The following ABCC10 variants were observed in gnomAD, a reference collection of about 807,000 sequenced individuals.
ABCC10 encodes ATP-binding cassette sub-family C member 10.
In ABCC10, 110 loss-of-function variants were observed where a neutral mutation model predicts 143.2. The observed-to-expected ratio is 0.77, with a 90% confidence interval of 0.66 to 0.90. The LOEUF (loss-of-function observed/expected upper bound fraction) is 0.90. Among genes scored for constraint, ABCC10 ranks in the 40% least tolerant of loss-of-function variants. The probability of loss-of-function intolerance (pLI) is 0.00; values close to 1 mark genes in which losing one functional copy is unlikely to be tolerated. For missense variants in ABCC10, 1,700 were observed against 1,900.5 expected (o/e 0.89, Z 1.96); for synonymous variants, 805 against 846.7 (o/e 0.95, Z 0.85).
chr6:43,436,231 A>G lies in ABCC10; in HGVS notation c.1859A>G (p.His620Arg). 6.2e-7 allele frequency: 1 copy of G among 1,613,974 alleles called. No homozygotes were observed. Among genetic ancestry groups the G allele is most frequent in the South Asian group, 1.1e-5 (1 of 91,076 alleles). ...ACCAGCCTGGAGACCTTCATCAGTC[A>G]TCTCGAAGTGAAAAAGGTTTGTTGG... Reference protein sequence around the residue: ...VGTSLETFISHLEVKKGMLVG... With the variant: ...VGTSLETFISRLEVKKGMLVG... The change falls in exon 6 of 22, where the codon CAT becomes CGT. Residue 620 changes from histidine to arginine, a missense_variant. By Grantham distance (29) the His-to-Arg change is conservative. Coordinates refer to ENST00000372530, the MANE Select transcript of ABCC10 (RefSeq NM_001198934.2).
chr6:43,443,238 C>T lies in ABCC10; in HGVS notation c.2416+79C>T, dbSNP rs143281908. 32,892 of 1,383,742 alleles carry T rather than the reference C, an allele frequency of 0.024. 478 individuals carry two copies. The highest frequency in any genetic ancestry group is 0.028 in the Non-Finnish European group (28,867 of 1,046,882). The allele number at this position is 1,383,742 out of a possible 1,614,324, so 85.7% of individuals were successfully genotyped here. A position where few individuals can be genotyped will look rare whatever the true frequency, so the allele number is the denominator to read the frequency against. ...GGATTGTGAAGTACAGACTCTGCCC[C>T]CTGCTGCATGTGTGCCCTGAGCCAG... On this transcript the variant is annotated intron_variant, in intron 10 of 21. Coordinates refer to ENST00000372530, the MANE Select transcript of ABCC10 (RefSeq NM_001198934.2). This position sits in a 1 kb window ranked among gnomAD's most constrained non-coding sequence, Gnocchi z 4.2.
intron 16 of ABCC10, chr6:43,446,704 C>G: frequency 1.0e-6 from 1 of 985,300 alleles, no homozygotes. Flanking sequence ...TGCTTCCACC[C>G]CGTCCCCACC....
chr6:43,442,492 AC>A (rs1242397518), intron 9 of ABCC10, among the ~76,000 whole-genome samples: 1 of 151,904 alleles, frequency 6.6e-6, no homozygotes, highest in African/African-American at 2.4e-5. Context: ...AATCGCTTGA[AC>A]CCGAGAGGCA....
downstream of ABCC10, chr6:43,450,731 C>G (rs1029655484): frequency 8.7e-6 from 14 of 1,614,060 alleles, no homozygotes; most frequent in African/African-American, 1.6e-4. This position sits in a 1 kb window ranked among gnomAD's most constrained non-coding sequence, Gnocchi z 4.5. Context: ...TAGCCAGAAC[C>G]AGGGCAGCAG....
downstream of ABCC10, among the ~76,000 whole-genome samples, chr6:43,451,510 A>C (rs1783734509): frequency 6.6e-6 from 1 of 152,214 alleles, no homozygotes; most frequent in African/African-American, 2.4e-5. The surrounding 1 kb of genome is among the most constrained non-coding windows in gnomAD (Gnocchi z 4.4). Context: ...GGCAGGGCTC[A>C]GGGTAAGTGT....
chr6:43,447,029 GT>G, intron 16 of ABCC10: 1 of 698,918 alleles, frequency 1.4e-6, no homozygotes, highest in East Asian at 4.4e-5. Context: ...TGTATTTTTA[GT>G]AGAGACAGGG....
At chr6:43,446,528 C>G (rs1425020027) in intron 16 of ABCC10, 82 bp downstream of exon 16, 14 of 1,485,730 alleles carry the variant, frequency 9.4e-6, no homozygotes, top group Non-Finnish European at 1.3e-5. Context: ...ACCATCCCCC[C>G]AACATTTTCA....
intron 7 of ABCC10, chr6:43,438,411 G>C (rs1781978429): frequency 2.0e-5 from 28 of 1,426,130 alleles, no homozygotes; most frequent in Non-Finnish European, 2.6e-5. Flanking sequence ...CAGCTGCTTG[G>C]CTGTAGCCAA....
Position 43,435,916 on chromosome 6 carries a change from A to C in ABCC10, c.1765+9A>C. On this transcript the variant is annotated intron_variant, in intron 5 of 21. Transcript: ENST00000372530. Reference sequence around the variant, plus strand: ...GGCCTACTACAGCCCAGGTAATGGGAAGCTAGTGGGCAGAACCTGGCACAG... The same window carrying C: ...GGCCTACTACAGCCCAGGTAATGGGCAGCTAGTGGGCAGAACCTGGCACAG... 6.2e-7 allele frequency: 1 copy of C among 1,613,954 alleles called. No homozygotes were observed. Among genetic ancestry groups the C allele is most frequent in the Non-Finnish European group, 8.5e-7 (1 of 1,179,928 alleles).
In ABCC10 at chr6:43,449,504, C is replaced by T. The variant is rs1208094803; in HGVS notation, c.4286C>T (p.Ala1429Val). 1 of 1,614,032 alleles carries T rather than the reference C, an allele frequency of 6.2e-7. No individual in the cohort carries two copies. Among genetic ancestry groups the T allele is most frequent in the Admixed American group, 1.7e-5 (1 of 60,016 alleles). Residue 1429 changes from alanine (A) to valine (V), a missense_variant, in exon 21 of 22, where the codon GCC becomes GTC. Physicochemically the swap from Ala to Val is moderately conservative, Grantham distance 64 (BLOSUM62 0). Transcript: ENST00000372530. The part of the protein sequence containing the change: ...LLQQTICKRF[A>V]NKTVLTIAHR... ...CAGCAGACCATCTGCAAACGCTTTG[C>T]CAACAAGACAGTGCTGACCATTGCC...
rs754856559 is a variant in ABCC10, at chr6:43,443,698, G to A, written c.2417-235G>A. 6.0e-6 allele frequency: 3 copies of A among 502,178 alleles called. No homozygotes were observed. Among genetic ancestry groups the A allele is most frequent in the South Asian group, 2.7e-5 (1 of 36,830 alleles). 31.1% of individuals were successfully genotyped at this position (502,178 alleles called of 1,614,324 possible). A position where few individuals can be genotyped will look rare whatever the true frequency, so the allele number is the denominator to read the frequency against. On this transcript the variant is annotated intron_variant, in intron 10 of 21. Transcript: ENST00000372530. This position sits in a 1 kb window ranked among gnomAD's most constrained non-coding sequence, Gnocchi z 4.2. The stretch of plus-strand genomic sequence containing the variant: ...GGACATTCGTCCCTCTCTGCTGGTC[G>A]GAATCAAGGTTTACAAGGATGGACT...
chr6:43,449,434 G>A lies in ABCC10; in HGVS notation c.4216G>A (p.Asp1406Asn), dbSNP rs370800327. The A allele has an allele frequency of 1.4e-5, 23 of 1,612,616 alleles. No individual in the cohort carries two copies. The highest frequency in any genetic ancestry group is 1.3e-4 in the African/African-American group (10 of 74,766). ...LLTDAKILCI[D>N]EATASVDQKT... ...TCCCATATTCCAGATCCTGTGTATCGATGAGGCCACAGCAAGTGTGGACCA... is the reference window on the plus strand; with the variant it reads ...TCCCATATTCCAGATCCTGTGTATCAATGAGGCCACAGCAAGTGTGGACCA... Residue 1406 changes from aspartate (D) to asparagine (N), a missense_variant, in exon 21 of 22, where the codon GAT (aspartate) becomes AAT (asparagine). Asp to Asn is a conservative substitution (Grantham distance 23). Transcript: ENST00000372530.
intron 2 of ABCC10, among the ~76,000 whole-genome samples, chr6:43,430,543 T>C (rs1243422767): frequency 6.7e-6 from 1 of 149,136 alleles, no homozygotes; most frequent in Non-Finnish European, 1.5e-5. Context: ...TGCAGCGAGC[T>C]GAGATCACGC....
chr6:43,447,415 C>T lies in ABCC10; in HGVS notation c.3705+7C>T, dbSNP rs1383519860. The stretch of plus-strand genomic sequence containing the variant: ...CCAGGGCCAGCCACTGCAGGTGGGC[C>T]TGTACCCCCACCCCAGGCCAAAGCT... On this transcript the variant is annotated splice_region_variant and intron_variant, in intron 17 of 21. Coordinates refer to ENST00000372530, the MANE Select transcript of ABCC10 (RefSeq NM_001198934.2). 6.2e-7 allele frequency: 1 copy of T among 1,612,252 alleles called. No individual in the cohort carries two copies. Among genetic ancestry groups the T allele is most frequent in the Non-Finnish European group, 8.5e-7 (1 of 1,179,540 alleles).
At position 43,432,778 on chromosome 6, in the gene ABCC10, C is replaced by T. The variant is rs921522319; in HGVS notation, c.798C>T (p.His266=). Residue 266 remains histidine, a synonymous_variant, in exon 3 of 22, where the codon CAC becomes CAT. Transcript: ENST00000372530. ...ACCTGGCTCGTGTCTTCCAGGCACA[C>T]TGGCAGGAGGGGGCACGGCTGTGGA... ...PTYLARVFQA[H]WQEGARLWRA... 6.2e-7 allele frequency: 1 copy of T among 1,614,206 alleles called. No individual in the cohort carries two copies. The highest frequency in any genetic ancestry group is 8.5e-7 in the Non-Finnish European group (1 of 1,180,036).
downstream of ABCC10, chr6:43,450,578 A>G (rs1783652875): frequency 6.3e-7 from 1 of 1,580,318 alleles, no homozygotes. This position sits in a 1 kb window ranked among gnomAD's most constrained non-coding sequence, Gnocchi z 4.5. Context: ...GGGGCAAGTC[A>G]CGTGGCAGGG....
rs776121960 is a variant in ABCC10 at position 43,443,104 on chromosome 6, C to T, written c.2361C>T (p.Tyr787=). Residue 787 remains tyrosine (Y), a synonymous_variant, in exon 10 of 22, where the codon TAC becomes TAT. Transcript: ENST00000372530. This position sits in a 1 kb window ranked among gnomAD's most constrained non-coding sequence, Gnocchi z 4.2. ...TRLLCTHRTE[Y]LERADAVLLM... is the part of the protein sequence containing the mutation. ...TGCTCTGCACCCACCGCACTGAGTA[C>T]CTGGAGAGGGCTGACGCGGTGCTGC... The T allele has an allele frequency of 2.5e-6, 4 of 1,611,682 alleles. No homozygotes were observed. The highest frequency in any genetic ancestry group is 3.4e-6 in the Non-Finnish European group (4 of 1,179,932).
At chr6:43,451,319 C>A, downstream of ABCC10, 1 of 1,587,278 alleles carries the variant, frequency 6.3e-7, no homozygotes, top group South Asian at 1.2e-5. The surrounding 1 kb of genome is among the most constrained non-coding windows in gnomAD (Gnocchi z 4.4). Context: ...CTTACCAACA[C>A]CTGTAGGGCA....
At chr6:43,431,181 G>C (rs1177635441) in intron 2 of ABCC10, among the ~76,000 whole-genome samples, 3 of 152,198 alleles carry the variant, frequency 2.0e-5, no homozygotes, top group Non-Finnish European at 2.9e-5. Context: ...AGTGGAAAGA[G>C]AGTAGAATAT....
Sources: gnomAD v4.1 joint callset for allele counts (sites outside exome capture counted in the v4.1 genomes callset) on GRCh38, gnomAD v4.1.1 for gene constraint, Gnocchi (gnomAD v3.1) non-coding constraint, MANE v1.5 for transcripts, NCBI Gene and HGNC (gene_info 2026-07-23, HGNC 2026-07-21) for gene names.